BBS9: variants seen among roughly 807,000 people sequenced by gnomAD.
BBS9 encodes the protein Bardet-Biedl syndrome 9, also known as protein PTHB1.
BBS9 carries 89 observed loss-of-function variants against 117.7 expected under a neutral mutation model. The ratio of observed to expected loss-of-function variants is 0.76; its 90% CI spans 0.64 to 0.90. The LOEUF is 0.90. Among genes scored for constraint, BBS9 ranks in the 40% least tolerant of loss-of-function variants. BBS9 has a pLI of 0.00. For missense variants in BBS9, 982 were observed against 1,042.2 expected (o/e 0.94, Z 0.80); for synonymous variants, 379 against 370.9 (o/e 1.02, Z -0.25).
chr7:33,491,872 T>TTTTTTG (rs1429344985), intron 19 of BBS9, among the ~76,000 whole-genome samples: 1 of 152,128 alleles, frequency 6.6e-6, no homozygotes, highest in East Asian at 1.9e-4. Context: ...TCTTCAGGTA[T>TTTTTTG]ATGACATTTT....
At chr7:33,227,999 G>T (rs1237292340) in intron 5 of BBS9, among the ~76,000 whole-genome samples, 1 of 152,030 alleles carries the variant, frequency 6.6e-6, no homozygotes. Context: ...ATCCAGTAGT[G>T]GCATTACTGG....
chr7:33,502,204 G>C (rs1845555653), intron 19 of BBS9, among the ~76,000 whole-genome samples: 1 of 152,152 alleles, frequency 6.6e-6, no homozygotes, highest in Non-Finnish European at 1.5e-5. Context: ...CACACGCCCA[G>C]CCTTCAATAT....
intron 16 of BBS9, 125 bp from the exon 17 acceptor site, chr7:33,367,642 C>A: frequency 1.3e-6 from 1 of 769,586 alleles, no homozygotes; most frequent in Non-Finnish European, 2.3e-6. Context: ...TATTATAGCT[C>A]ACACATGGAG....
intron 21 of BBS9, among the ~76,000 whole-genome samples, chr7:33,578,214 C>G (rs1225987801): frequency 1.3e-5 from 2 of 152,130 alleles, no homozygotes; most frequent in African/African-American, 4.8e-5. Context: ...AGGAGGGAAG[C>G]TATTACCACC....
intron 19 of BBS9, among the ~76,000 whole-genome samples, chr7:33,487,828 T>G (rs1843325825): frequency 6.6e-6 from 1 of 152,200 alleles, no homozygotes; most frequent in Non-Finnish European, 1.5e-5. Flanking sequence ...AGGTTGAGGC[T>G]CATAGCTCTC....
intron 5 of BBS9, among the ~76,000 whole-genome samples, chr7:33,234,285 ATGTATTCTC>A (rs1793053097): frequency 1.3e-5 from 2 of 152,048 alleles, no homozygotes; most frequent in Admixed American, 1.3e-4. Context: ...GGGTCTTGGA[ATGTATTCTC>A]TGTGGATAGG....
chr7:33,618,918 A>T (rs1179170394), intron 21 of BBS9, among the ~76,000 whole-genome samples: 2 of 152,188 alleles, frequency 1.3e-5, no homozygotes, highest in African/African-American at 2.4e-5. Flanking sequence ...GAAAAAAATT[A>T]TCAAATTACA....
intron 5 of BBS9, among the ~76,000 whole-genome samples, chr7:33,214,897 A>C (rs1032853550): frequency 3.3e-5 from 5 of 152,192 alleles, no homozygotes; most frequent in African/African-American, 1.2e-4. Context: ...ATCCCTAATA[A>C]AAAGAACACA....
intron 5 of BBS9, among the ~76,000 whole-genome samples, chr7:33,255,975 G>T (rs545918722): frequency 6.6e-6 from 1 of 151,890 alleles, no homozygotes; most frequent in South Asian, 2.1e-4. Context: ...GGCCAACATG[G>T]TTGAAACCCT....
Position 33,318,217 on chromosome 7 carries a change from T to C in BBS9, c.1017-18224T>C, listed in dbSNP as rs1810947066. 2.0e-5 allele frequency among the ~76,000 whole-genome samples: 3 copies of C among 152,352 alleles called. No homozygotes were observed. The South Asian group carries it at 6.2e-4, about 32-fold the overall frequency. ...AATAATTTAACCTTTTGTGATTCCT[T>C]GGCCCAATCTTGACTTAATTGCCCT... is the stretch of plus-strand genomic sequence containing the variant. On this transcript the variant is annotated intron_variant, in intron 9 of 22. Coordinates refer to ENST00000242067, the MANE Select transcript of BBS9 (RefSeq NM_198428.3).
Position 33,388,663 on chromosome 7 carries a change from C to T in BBS9, c.2115+519C>T, listed in dbSNP as rs146606062. Among the ~76,000 whole-genome samples, 203 of 152,292 alleles carry T rather than the reference C, an allele frequency of 1.3e-3. 1 individual carries two copies. Among genetic ancestry groups the T allele is most frequent in the African/African-American group, 4.6e-3 (191 of 41,572 alleles). ...TTTTTTCTTCTTGATCACCTTCCAT[C>T]CATAGTTTATCATTTGCATGGCTAG... On this transcript the variant is annotated intron_variant, in intron 19 of 22. Transcript: ENST00000242067.
chr7:33,178,635 T>C (rs1038221076), intron 5 of BBS9, among the ~76,000 whole-genome samples: 4 of 152,196 alleles, frequency 2.6e-5, no homozygotes, highest in Non-Finnish European at 4.4e-5. Context: ...CTGCAGAGCA[T>C]GTAACTAGGG....
At chr7:33,217,137 A>G (rs914631195) in intron 5 of BBS9, among the ~76,000 whole-genome samples, 7 of 152,102 alleles carry the variant, frequency 4.6e-5, no homozygotes, top group African/African-American at 1.7e-4. Context: ...CAACCTATAG[A>G]AGAGCAAGGA....
At chr7:33,133,438 A>G (rs1469678147) in intron 1 of BBS9, among the ~76,000 whole-genome samples, 1 of 152,130 alleles carries the variant, frequency 6.6e-6, no homozygotes, top group East Asian at 1.9e-4. Context: ...CCCCAGACCT[A>G]AGCAACTAAG....
At chr7:33,207,210 C>T (rs938277044) in intron 5 of BBS9, among the ~76,000 whole-genome samples, 34 of 152,250 alleles carry the variant, frequency 2.2e-4, no homozygotes, top group African/African-American at 7.0e-4. Flanking sequence ...AAATATTTTG[C>T]TTTTCATCAA....
At chr7:33,295,934 G>A (rs574422422) in intron 9 of BBS9, among the ~76,000 whole-genome samples, 1 of 151,992 alleles carries the variant, frequency 6.6e-6, no homozygotes, top group East Asian at 1.9e-4. Context: ...AAAAATAAAA[G>A]GTGGAATATA....
intron 5 of BBS9, among the ~76,000 whole-genome samples, chr7:33,198,405 T>A (rs1785277340): frequency 6.6e-6 from 1 of 152,026 alleles, no homozygotes; most frequent in Non-Finnish European, 1.5e-5. Flanking sequence ...TAAAAGTGCA[T>A]GTTTCCAAGG....
At chr7:33,487,284 T>G (rs1249476120) in intron 19 of BBS9, among the ~76,000 whole-genome samples, 1 of 152,210 alleles carries the variant, frequency 6.6e-6, no homozygotes. Context: ...AGCTACTGGT[T>G]TTTATACTCT....
chr7:33,379,749 A>G (rs890415237), intron 17 of BBS9, among the ~76,000 whole-genome samples: 10 of 152,234 alleles, frequency 6.6e-5, no homozygotes, highest in Non-Finnish European at 1.5e-4. Context: ...GAAAACAATA[A>G]TGACAATAAG....
Sources: allele counts gnomAD v4.1 joint callset (sites outside exome capture counted in the v4.1 genomes callset), GRCh38; gene constraint gnomAD v4.1.1; transcripts MANE v1.5; gene names NCBI Gene and HGNC (gene_info 2026-07-23, HGNC 2026-07-21).